NUDC: variants seen among roughly 807,000 people sequenced by gnomAD.
NUDC encodes the protein nuclear migration protein nudC.
Under a neutral mutation model 45.0 loss-of-function variants are expected in NUDC, and 14 were observed. That is an observed-to-expected ratio of 0.31 (90% CI 0.21 to 0.49). The LOEUF is 0.49. NUDC is among the 20% of genes least tolerant of loss of function. NUDC has a pLI of 0.99. For missense variants in NUDC, 323 were observed against 426.2 expected (o/e 0.76, Z 2.13); for synonymous variants, 153 against 156.7 (o/e 0.98, Z 0.17).
intron 2 of NUDC, among the ~76,000 whole-genome samples, chr1:26,936,637 G>T (rs1251087879): frequency 2.0e-5 from 3 of 151,848 alleles, no homozygotes; most frequent in Non-Finnish European, 2.9e-5. Flanking sequence ...ACCCTACCTG[G>T]CCTACAAAAA....
chr1:26,921,739 C>T (rs913067815), upstream of NUDC: 3 of 1,218,422 alleles, frequency 2.5e-6, no homozygotes, highest in Admixed American at 2.0e-5. Flanking sequence ...TTTCCGGCTC[C>T]GCTGCGGAAG....
intron 2 of NUDC, among the ~76,000 whole-genome samples, chr1:26,931,984 C>T (rs2082187609): frequency 6.7e-6 from 1 of 149,250 alleles, no homozygotes; most frequent in South Asian, 2.1e-4. Context: ...CCACGCTTGG[C>T]CCCTTTTTTT....
chr1:26,906,057 G>T (rs569063358), intron 2 of NUDC, among the ~76,000 whole-genome samples: 1 of 152,272 alleles, frequency 6.6e-6, no homozygotes, highest in African/African-American at 2.4e-5. Flanking sequence ...CGAGGCGGGC[G>T]GATCACCTGA....
At chr1:26,906,884 T>A (rs888578073) in intron 2 of NUDC, among the ~76,000 whole-genome samples, 7 of 151,870 alleles carry the variant, frequency 4.6e-5, no homozygotes, top group Admixed American at 1.3e-4. Context: ...AATAAATAAA[T>A]AAATGTTAAT....
Position 26,935,027 on chromosome 1 carries a change from G to C in NUDC, c.160-6430G>C, listed in dbSNP as rs193175032. Among the ~76,000 whole-genome samples the C allele has an allele frequency of 2.4e-4, 37 of 151,424 alleles. 1 individual carries two copies. In the East Asian group the frequency reaches 7.0e-3, roughly 29 times the overall value. Reference sequence around the variant, plus strand: ...GACAGAGTCTCGCTCTGTCACCCAGGCTGGAGTGCAGTGGGGCGATCTCAG... The same window carrying C: ...GACAGAGTCTCGCTCTGTCACCCAGCCTGGAGTGCAGTGGGGCGATCTCAG... On this transcript the variant is annotated intron_variant, in intron 2 of 8. Coordinates refer to ENST00000321265, the MANE Select transcript of NUDC (RefSeq NM_006600.4).
intron 2 of NUDC, among the ~76,000 whole-genome samples, chr1:26,910,101 ACT>A (rs2082019342): frequency 6.6e-6 from 1 of 152,004 alleles, no homozygotes; most frequent in Admixed American, 6.6e-5. Context: ...AGATGAACAC[ACT>A]CTGGCATGGG....
At chr1:26,942,019 C>T (rs1003206429) in intron 4 of NUDC, among the ~76,000 whole-genome samples, 3 of 152,160 alleles carry the variant, frequency 2.0e-5, no homozygotes, top group Non-Finnish European at 1.5e-5. Context: ...ACCTGCCAGG[C>T]GCAGTGGCTC....
intron 3 of NUDC, chr1:26,913,316 T>C (rs1442737929): frequency 1.8e-6 from 2 of 1,114,636 alleles, no homozygotes; most frequent in East Asian, 2.4e-5. Context: ...GAGGACCCAA[T>C]GAGATAACAG....
At chr1:26,923,981 A>T (rs1356397252) in intron 1 of NUDC, 108 bp from the exon 2 acceptor site, 6 of 971,682 alleles carry the variant, frequency 6.2e-6, no homozygotes, top group Admixed American at 1.7e-5. Flanking sequence ...CTCAGAGGAA[A>T]AATAGTCAAG....
intron 2 of NUDC, among the ~76,000 whole-genome samples, chr1:26,939,887 G>C (rs909484546): frequency 3.3e-5 from 5 of 152,188 alleles, no homozygotes; most frequent in Non-Finnish European, 5.9e-5. Flanking sequence ...CTTGATTTGT[G>C]CTGTCATACT....
intron 2 of NUDC, among the ~76,000 whole-genome samples, chr1:26,939,244 T>C (rs1570741963): frequency 6.6e-6 from 1 of 152,200 alleles, no homozygotes; most frequent in East Asian, 1.9e-4. Flanking sequence ...TCTGCCCGCC[T>C]CAGCCTCAAG....
intron 2 of NUDC, among the ~76,000 whole-genome samples, chr1:26,905,556 T>C (rs2081999653): frequency 6.6e-6 from 1 of 151,844 alleles, no homozygotes; most frequent in African/African-American, 2.4e-5. Context: ...GATGAGGAGA[T>C]ATTTGAGGTG....
chr1:26,924,873 A>ATTTAT (rs896932249), intron 2 of NUDC, among the ~76,000 whole-genome samples: 9 of 150,580 alleles, frequency 6.0e-5, no homozygotes, highest in East Asian at 2.0e-4. Context: ...TTTTACTTTT[A>ATTTAT]TTTATTTTAT....
At chr1:26,907,056 T>G (rs2124055426) in intron 2 of NUDC, among the ~76,000 whole-genome samples, 1 of 152,244 alleles carries the variant, frequency 6.6e-6, no homozygotes, top group South Asian at 2.1e-4. Context: ...CTTTCTTTGC[T>G]GTCTTGTTCT....
chr1:26,931,084 G>T (rs923969418), intron 2 of NUDC, among the ~76,000 whole-genome samples: 4 of 151,848 alleles, frequency 2.6e-5, no homozygotes, highest in Non-Finnish European at 4.4e-5. Flanking sequence ...TTTTTTGTTT[G>T]TTTGTTTGTT....
At chr1:26,917,373 C>T (rs1370762633), upstream of NUDC, among the ~76,000 whole-genome samples, 1 of 152,012 alleles carries the variant, frequency 6.6e-6, no homozygotes, top group Non-Finnish European at 1.5e-5. Context: ...ACCAGCCTGG[C>T]CAACATGGCA....
At chr1:26,927,122 CTT>C (rs1486285949) in intron 2 of NUDC, among the ~76,000 whole-genome samples, 8 of 151,992 alleles carry the variant, frequency 5.3e-5, no homozygotes, top group Non-Finnish European at 1.2e-4. Context: ...TCAGAGAAGA[CTT>C]TGTGAGGAAG....
At chr1:26,921,522 G>C (rs1000522273), upstream of NUDC, among the ~76,000 whole-genome samples, 1 of 152,312 alleles carries the variant, frequency 6.6e-6, no homozygotes, top group Non-Finnish European at 1.5e-5. Flanking sequence ...AAGTCTCCAC[G>C]GCATCGGGTG....
chr1:26,909,636 T>G (rs1337139773), intron 2 of NUDC, among the ~76,000 whole-genome samples: 1 of 152,030 alleles, frequency 6.6e-6, no homozygotes, highest in East Asian at 1.9e-4. Flanking sequence ...ATAAAAGATA[T>G]AGAATGACCC....
Sources: allele counts gnomAD v4.1 joint callset (sites outside exome capture counted in the v4.1 genomes callset), GRCh38; gene constraint gnomAD v4.1.1; transcripts MANE v1.5; gene names NCBI Gene and HGNC (gene_info 2026-07-23, HGNC 2026-07-21).